The following FSTL5 variants were observed in gnomAD, a reference collection of about 807,000 sequenced individuals.
The protein encoded by FSTL5 is follistatin like 5.
Under a neutral mutation model 89.1 loss-of-function variants are expected in FSTL5, and 62 were observed. That is an observed-to-expected ratio of 0.70 (90% CI 0.57 to 0.86). The LOEUF is 0.86. Among genes scored for constraint, FSTL5 ranks in the 40% least tolerant of loss-of-function variants. The pLI is 0.00. For missense variants in FSTL5, 1,057 were observed against 1,001.6 expected, an observed-to-expected ratio of 1.06 and a Z score of -0.75; for synonymous variants, 383 against 346.2, an observed-to-expected ratio of 1.11 and a Z score of -1.18.
Position 161,897,699 on chromosome 4 carries a change from C to A in FSTL5, c.409+22705G>T, listed in dbSNP as rs1055221557. Among the ~76,000 whole-genome samples, 17 of 151,904 alleles carry A rather than the reference C, an allele frequency of 1.1e-4. No individual in the cohort carries two copies. The East Asian group carries it at 3.1e-3, about 28-fold the overall frequency. ...TTGAATTAATGTGGCAAATTTGTTACAAGTAATGAGCTGATAATGGCACAT... is the reference window on the plus strand; with the variant it reads ...TTGAATTAATGTGGCAAATTTGTTAAAAGTAATGAGCTGATAATGGCACAT... On this transcript the variant is annotated intron_variant, in intron 4 of 15. Transcript: ENST00000306100.
chr4:161,400,261 T>A (rs1731140196), intron 15 of FSTL5, among the ~76,000 whole-genome samples: 1 of 152,070 alleles, frequency 6.6e-6, no homozygotes, highest in Non-Finnish European at 1.5e-5. Context: ...TCAGTGGATA[T>A]AAATTACTTT....
At chr4:162,004,982 AT>A (rs1380153170) in intron 3 of FSTL5, among the ~76,000 whole-genome samples, 1 of 152,144 alleles carries the variant, frequency 6.6e-6, no homozygotes, top group Non-Finnish European at 1.5e-5. Flanking sequence ...AGTGTCAGTT[AT>A]GTGTTTTGTA....
intron 4 of FSTL5, among the ~76,000 whole-genome samples, chr4:161,868,810 C>T (rs1369497668): frequency 6.6e-6 from 1 of 152,150 alleles, no homozygotes; most frequent in Non-Finnish European, 1.5e-5. Context: ...ATTCTTATTC[C>T]TCCAGTCTCA....
chr4:162,077,016 A>C (rs1729877297), intron 2 of FSTL5, among the ~76,000 whole-genome samples: 1 of 151,846 alleles, frequency 6.6e-6, no homozygotes, highest in Non-Finnish European at 1.5e-5. Context: ...TGCCAGTAGA[A>C]TCAGCTGCAT....
chr4:161,757,965 A>C (rs1260987293), intron 6 of FSTL5, among the ~76,000 whole-genome samples: 1 of 152,086 alleles, frequency 6.6e-6, no homozygotes, highest in Non-Finnish European at 1.5e-5. Flanking sequence ...TAATCTAACA[A>C]CACCCTTCTA....
chr4:161,706,550 C>A (rs1579036859), intron 6 of FSTL5, among the ~76,000 whole-genome samples: 1 of 152,106 alleles, frequency 6.6e-6, no homozygotes, highest in South Asian at 2.1e-4. Context: ...TAACTCTTAA[C>A]AATCCGGAAA....
chr4:161,593,773 G>C (rs1733915456), intron 7 of FSTL5, among the ~76,000 whole-genome samples: 1 of 151,998 alleles, frequency 6.6e-6, no homozygotes, highest in Non-Finnish European at 1.5e-5. Context: ...CTGATTTAAT[G>C]AGGGAAAGCC....
At chr4:161,698,286 G>A (rs903537370) in intron 6 of FSTL5, among the ~76,000 whole-genome samples, 1 of 152,054 alleles carries the variant, frequency 6.6e-6, no homozygotes, top group Non-Finnish European at 1.5e-5. Flanking sequence ...TGTTGTTTAG[G>A]CCTAAAACAA....
chr4:161,608,269 T>C (rs1185761441), intron 7 of FSTL5, among the ~76,000 whole-genome samples: 1 of 152,128 alleles, frequency 6.6e-6, no homozygotes, highest in Non-Finnish European at 1.5e-5. Flanking sequence ...TTGCACATAT[T>C]AAAAATTTCT....
chr4:162,014,902 C>T (rs761439459), intron 3 of FSTL5, among the ~76,000 whole-genome samples: 2 of 152,052 alleles, frequency 1.3e-5, no homozygotes, highest in South Asian at 4.1e-4. Flanking sequence ...AAGATAAGTT[C>T]TTTTCCATTA....
rs56229701 is a variant in FSTL5, at chr4:161,437,565, CAA to C, written c.1841+17437_1841+17438del. On this transcript the variant is annotated intron_variant, in intron 15 of 15. Coordinates refer to ENST00000306100, the MANE Select transcript of FSTL5 (RefSeq NM_020116.5). ...CTGGTGACAGAGTGAGACTCCGTCTCAAAAAAAAAAAAAAAAACGAGGTCAGA... is the reference window on the plus strand; with the variant it reads ...CTGGTGACAGAGTGAGACTCCGTCTCAAAAAAAAAAAAAAACGAGGTCAGA... Among the ~76,000 whole-genome samples, 48 of 68,536 alleles carry C rather than the reference CAA, an allele frequency of 7.0e-4. 4 individuals carry two copies. Among genetic ancestry groups the C allele is most frequent in the East Asian group, 5.3e-3 (7 of 1,330 alleles). The allele number at this position is 68,536 out of a possible 152,430, so 45.0% of individuals were successfully genotyped here.
chr4:161,449,241 A>T (rs780226530), intron 15 of FSTL5, among the ~76,000 whole-genome samples: 4 of 152,168 alleles, frequency 2.6e-5, no homozygotes, highest in Non-Finnish European at 4.4e-5. Flanking sequence ...AAGTACAAAC[A>T]TTCATTTTAA....
intron 2 of FSTL5, among the ~76,000 whole-genome samples, chr4:162,065,661 A>C (rs1300663926): frequency 6.6e-6 from 1 of 152,150 alleles, no homozygotes; most frequent in Admixed American, 6.6e-5. Context: ...AAGATTCCTC[A>C]GTAAATTAAA....
At chr4:161,680,776 A>G (rs543040457) in intron 6 of FSTL5, among the ~76,000 whole-genome samples, 8 of 151,994 alleles carry the variant, frequency 5.3e-5, no homozygotes, top group Admixed American at 5.2e-4. Context: ...TCAAGTAACA[A>G]ATTTATGAAA....
chr4:161,436,222 C>G (rs992878542), intron 15 of FSTL5, among the ~76,000 whole-genome samples: 8 of 152,056 alleles, frequency 5.3e-5, no homozygotes, highest in African/African-American at 7.2e-5. Context: ...TTCAAGTCCC[C>G]GTAAAAGCAC....
chr4:161,790,183 T>C (rs956797950), intron 4 of FSTL5, among the ~76,000 whole-genome samples: 4 of 152,222 alleles, frequency 2.6e-5, no homozygotes, highest in African/African-American at 9.6e-5. Context: ...TGTTATTTAT[T>C]GAAGACACAA....
chr4:161,543,980 G>T (rs530294266), intron 8 of FSTL5, among the ~76,000 whole-genome samples: 38 of 151,896 alleles, frequency 2.5e-4, no homozygotes, highest in African/African-American at 8.7e-4. Context: ...AAAGATATTT[G>T]AAAATTCTGA....
intron 7 of FSTL5, among the ~76,000 whole-genome samples, chr4:161,602,542 C>A (rs1309243549): frequency 6.6e-6 from 1 of 151,956 alleles, no homozygotes; most frequent in African/African-American, 2.4e-5. Context: ...ATTAGAAATT[C>A]TTAAATTCTT....
chr4:161,737,988 G>A (rs918363292), intron 6 of FSTL5, among the ~76,000 whole-genome samples: 1 of 152,012 alleles, frequency 6.6e-6, no homozygotes, highest in Non-Finnish European at 1.5e-5. Flanking sequence ...GAATGAGCAG[G>A]ATGATCATAT....
Sources: allele counts gnomAD v4.1 joint callset (sites outside exome capture counted in the v4.1 genomes callset), GRCh38; gene constraint gnomAD v4.1.1; transcripts MANE v1.5; gene names NCBI Gene and HGNC (gene_info 2026-07-23, HGNC 2026-07-21).